VSNL1: variants seen among roughly 807,000 people sequenced by gnomAD.
VSNL1 encodes visinin-like protein 1.
A neutral mutation model predicts 20.4 loss-of-function variants in VSNL1; 6 were observed. That is an observed-to-expected ratio of 0.29 (90% confidence interval 0.16 to 0.58). VSNL1 has a LOEUF of 0.58. Among genes scored for constraint, VSNL1 ranks in the 20% least tolerant of loss-of-function variants. VSNL1 has a pLI of 0.90. For missense variants in VSNL1, 100 were observed against 234.5 expected (o/e 0.43, Z 3.75); for synonymous variants, 93 against 86.4 (o/e 1.08, Z -0.42).
intron 1 of VSNL1, among the ~76,000 whole-genome samples, chr2:17,572,674 G>A (rs1664111114): frequency 6.6e-6 from 1 of 152,178 alleles, no homozygotes. Flanking sequence ...GAGAATTAAG[G>A]CTGGGATTTA....
chr2:17,588,379 G>A (rs1664525164), intron 1 of VSNL1, among the ~76,000 whole-genome samples: 1 of 152,160 alleles, frequency 6.6e-6, no homozygotes, highest in Non-Finnish European at 1.5e-5. Flanking sequence ...TGGGGAAATG[G>A]AGTAACTAGG....
At chr2:17,573,455 A>C (rs1664128186) in intron 1 of VSNL1, among the ~76,000 whole-genome samples, 1 of 148,228 alleles carries the variant, frequency 6.7e-6, no homozygotes, top group Non-Finnish European at 1.5e-5. Context: ...AGTTTTTGCA[A>C]AAAAAAAAAA....
chr2:17,638,792 G>A (rs1319184473), intron 2 of VSNL1, among the ~76,000 whole-genome samples: 1 of 152,218 alleles, frequency 6.6e-6, no homozygotes, highest in Non-Finnish European at 1.5e-5. Flanking sequence ...GGTCACATTA[G>A]CTGCAGTTAC....
rs1487033582 is a variant in VSNL1 at position 17,656,168 on chromosome 2, A to T, written c.*774A>T. On this transcript the variant is annotated 3_prime_UTR_variant, in exon 4 of 4. Coordinates refer to ENST00000295156, the MANE Select transcript of VSNL1 (RefSeq NM_003385.5). ...GTGGTGGCAATAAATGTCCCAAATAAATTTATAACAATTGATTTTCCCCCT... is the reference window on the plus strand; with the variant it reads ...GTGGTGGCAATAAATGTCCCAAATATATTTATAACAATTGATTTTCCCCCT... 1 of 152,302 alleles carries T rather than the reference A, an allele frequency of 6.6e-6. No homozygotes were observed. The highest frequency in any genetic ancestry group is 1.5e-5 in the Non-Finnish European group (1 of 68,046). The allele number at this position is 152,302 out of a possible 1,614,324, so 9.4% of individuals were successfully genotyped here.
chr2:17,559,626 C>T (rs1395406573), intron 1 of VSNL1, among the ~76,000 whole-genome samples: 1 of 152,060 alleles, frequency 6.6e-6, no homozygotes. Flanking sequence ...ATCTAATATC[C>T]TTCCAGTTCT....
intron 2 of VSNL1, among the ~76,000 whole-genome samples, chr2:17,632,683 G>A (rs535166434): frequency 5.3e-5 from 8 of 151,990 alleles, no homozygotes; most frequent in African/African-American, 9.7e-5. Context: ...TTTTTTCTTC[G>A]TAAATGTGTA....
intron 1 of VSNL1, among the ~76,000 whole-genome samples, chr2:17,551,902 A>AT (rs1663545519): frequency 6.6e-6 from 1 of 150,430 alleles, no homozygotes; most frequent in Non-Finnish European, 1.5e-5. Context: ...TTGTTAAAAA[A>AT]AAAAAAAAAA....
At chr2:17,623,185 G>T (rs1324659239) in intron 2 of VSNL1, among the ~76,000 whole-genome samples, 2 of 152,024 alleles carry the variant, frequency 1.3e-5, no homozygotes, top group Non-Finnish European at 2.9e-5. Context: ...AAATTGAATA[G>T]ATGTAATTAA....
intron 1 of VSNL1, among the ~76,000 whole-genome samples, chr2:17,580,643 C>G (rs1193050390): frequency 1.3e-5 from 2 of 152,184 alleles, no homozygotes; most frequent in Non-Finnish European, 2.9e-5. Flanking sequence ...TCTGCCTCAC[C>G]TAATTCACCA....
intron 2 of VSNL1, among the ~76,000 whole-genome samples, chr2:17,620,721 A>G (rs1162306912): frequency 6.6e-6 from 1 of 152,256 alleles, no homozygotes; most frequent in Non-Finnish European, 1.5e-5. Flanking sequence ...GAGTGACGCT[A>G]CAAATTGATT....
intron 1 of VSNL1, among the ~76,000 whole-genome samples, chr2:17,569,243 G>A (rs1316144346): frequency 6.6e-6 from 1 of 151,696 alleles, no homozygotes; most frequent in Non-Finnish European, 1.5e-5. Context: ...GGAGGCTGAG[G>A]TTGCAGGGAG....
intron 2 of VSNL1, among the ~76,000 whole-genome samples, chr2:17,626,774 T>C (rs183727199): frequency 3.3e-5 from 5 of 152,310 alleles, no homozygotes; most frequent in African/African-American, 1.2e-4. Flanking sequence ...TTGTCCACAA[T>C]TCTAGGACAA....
intron 1 of VSNL1, among the ~76,000 whole-genome samples, chr2:17,582,101 G>T (rs528431339): frequency 6.6e-6 from 1 of 152,314 alleles, no homozygotes; most frequent in South Asian, 2.1e-4. Flanking sequence ...TGTAGCTAAT[G>T]AGAACTGCCC....
In VSNL1 at chr2:17,649,185, A is replaced by G. The variant is rs777386941; in HGVS notation, c.163-225A>G. ...CATCAACTGAAAGCCACATGTCACC[A>G]GCCTCACCCACAGGAAACAATGAGA... is the stretch of plus-strand genomic sequence containing the variant. On this transcript the variant is annotated intron_variant, in intron 2 of 3. Coordinates refer to ENST00000295156, the MANE Select transcript of VSNL1 (RefSeq NM_003385.5). The surrounding 1 kb of genome is among the most constrained non-coding windows in gnomAD (Gnocchi z 6.4). Among the ~76,000 whole-genome samples the G allele has an allele frequency of 6.6e-6, 1 of 152,128 alleles. No homozygotes were observed. Among genetic ancestry groups the G allele is most frequent in the Non-Finnish European group, 1.5e-5 (1 of 68,016 alleles).
chr2:17,625,033 G>GT (rs1486112120), intron 2 of VSNL1, among the ~76,000 whole-genome samples: 1 of 152,116 alleles, frequency 6.6e-6, no homozygotes, highest in Non-Finnish European at 1.5e-5. Flanking sequence ...ACTGAATCAT[G>GT]GGGGCAGTCT....
intron 2 of VSNL1, among the ~76,000 whole-genome samples, chr2:17,623,424 C>T (rs1665431421): frequency 6.6e-6 from 1 of 151,804 alleles, no homozygotes; most frequent in Non-Finnish European, 1.5e-5. Flanking sequence ...AATCCCAGCA[C>T]TTTGGGAGAC....
intron 3 of VSNL1, among the ~76,000 whole-genome samples, chr2:17,650,538 C>T (rs1666101772): frequency 6.6e-6 from 1 of 152,212 alleles, no homozygotes; most frequent in Non-Finnish European, 1.5e-5. Flanking sequence ...GGTTCCCACC[C>T]CTGCACCAGC....
At chr2:17,630,908 A>G (rs1299474484) in intron 2 of VSNL1, among the ~76,000 whole-genome samples, 8 of 152,040 alleles carry the variant, frequency 5.3e-5, no homozygotes. Context: ...CAGCCTCCTG[A>G]GTAGCTGGGA....
chr2:17,545,586 A>T (rs143506253), intron 1 of VSNL1, among the ~76,000 whole-genome samples: 238 of 152,266 alleles, frequency 1.6e-3, no homozygotes, highest in African/African-American at 5.4e-3. Context: ...AGGGGACCAC[A>T]TCATTGCATT....
Sources: allele counts gnomAD v4.1 joint callset (sites outside exome capture counted in the v4.1 genomes callset), GRCh38; gene constraint gnomAD v4.1.1; non-coding constraint Gnocchi (gnomAD v3.1); transcripts MANE v1.5; gene names NCBI Gene and HGNC (gene_info 2026-07-23, HGNC 2026-07-21).